PHLPP2: variants seen among roughly 807,000 people sequenced by gnomAD.
The protein encoded by PHLPP2 is PH domain leucine-rich repeat-containing protein phosphatase 2.
Under a neutral mutation model 124.9 loss-of-function variants are expected in PHLPP2, and 66 were observed. The ratio of observed to expected loss-of-function variants is 0.53; its 90% CI spans 0.43 to 0.65. The LOEUF (loss-of-function observed/expected upper bound fraction) is 0.65. PHLPP2 is among the 30% of genes least tolerant of loss of function. The probability of loss-of-function intolerance (pLI) is 0.00; values close to 1 mark genes in which losing one functional copy is unlikely to be tolerated. For missense variants in PHLPP2, 1,685 were observed against 1,600.4 expected (o/e 1.05, Z -0.90); for synonymous variants, 681 against 624.7 (o/e 1.09, Z -1.34).
At chr16:71,652,674 G>C (rs2044704877) in intron 18 of PHLPP2, 116 bp downstream of exon 18, 1 of 713,632 alleles carries the variant, frequency 1.4e-6, no homozygotes, top group Admixed American at 2.4e-5. Context: ...ACTTTTATCT[G>C]GATTGGATAC....
chr16:71,664,652 T>A (rs1289707005), intron 12 of PHLPP2, among the ~76,000 whole-genome samples: 1 of 152,126 alleles, frequency 6.6e-6, no homozygotes, highest in Non-Finnish European at 1.5e-5. Flanking sequence ...CTCGGGAGGC[T>A]GAGGCAGGAG....
rs1197104624 is a variant in PHLPP2, at chr16:71,724,695, C to G, written c.-373G>C. ...CTCTGCCCTTCTTTAGATCTATACC[C>G]CTGTGCAAGTTACTTGATCTAAGCC... On this transcript the variant is annotated 5_prime_UTR_variant, in exon 1 of 19. Coordinates refer to ENST00000568954, the MANE Select transcript of PHLPP2 (RefSeq NM_015020.3). The G allele has an allele frequency of 6.6e-6, 1 of 151,368 alleles. No individual in the cohort carries two copies. Among genetic ancestry groups the G allele is most frequent in the East Asian group, 1.9e-4 (1 of 5,198 alleles). The allele number at this position is 151,368 out of a possible 1,614,324, so 9.4% of individuals were successfully genotyped here.
chr16:71,667,147 G>T, intron 12 of PHLPP2, 31 bp downstream of exon 12: 1 of 1,587,860 alleles, frequency 6.3e-7, no homozygotes, highest in Non-Finnish European at 8.6e-7. Flanking sequence ...CAATGATTCT[G>T]CTCTTCCGAA....
intron 2 of PHLPP2, among the ~76,000 whole-genome samples, chr16:71,704,080 C>T (rs1437545039): frequency 6.6e-6 from 1 of 152,000 alleles, no homozygotes; most frequent in African/African-American, 2.4e-5. Context: ...CCCAGCACTT[C>T]AGGAGGCTGA....
In PHLPP2 at chr16:71,648,959, GC is replaced by G. The variant is rs2044673332; in HGVS notation, c.3902del (p.Ser1301ThrfsTer40). The G allele has an allele frequency of 6.2e-7, 1 of 1,613,846 alleles. No homozygotes were observed. The highest frequency in any genetic ancestry group is 1.3e-5 in the African/African-American group (1 of 75,022). On this transcript the variant is annotated frameshift_variant, in exon 19 of 19. Coordinates refer to ENST00000568954, the MANE Select transcript of PHLPP2 (RefSeq NM_015020.3). LOFTEE classifies it high-confidence loss of function. ...VKEQMKQHQD[S>X]RLEPEPHEED... is the part of the protein sequence containing the mutation. ...CTTCATGGGGCTCAGGCTCGAGCCG[GC>G]TGTCCTGGTGCTGTTTCATTTGTTC... is the stretch of plus-strand genomic sequence containing the variant.
intron 4 of PHLPP2, among the ~76,000 whole-genome samples, chr16:71,685,550 T>A (rs1356501291): frequency 6.6e-6 from 1 of 152,206 alleles, no homozygotes; most frequent in Non-Finnish European, 1.5e-5. Flanking sequence ...GAAAAGAGAA[T>A]CATATTAAAA....
At chr16:71,684,441 T>C (rs2045033622) in intron 5 of PHLPP2, 35 bp downstream of exon 5, 1 of 1,611,674 alleles carries the variant, frequency 6.2e-7, no homozygotes, top group Non-Finnish European at 8.5e-7. Context: ...TTCTCTATTC[T>C]TATCTCCACA....
chr16:71,702,001 G>C (rs1181588394), intron 3 of PHLPP2, among the ~76,000 whole-genome samples: 1 of 152,128 alleles, frequency 6.6e-6, no homozygotes, highest in African/African-American at 2.4e-5. Context: ...CAGTGGATAA[G>C]GGGGGACTAC....
chr16:71,671,483 C>CT (rs1286377162), intron 10 of PHLPP2, among the ~76,000 whole-genome samples: 3 of 152,048 alleles, frequency 2.0e-5, no homozygotes, highest in Non-Finnish European at 2.9e-5. Context: ...CTGCAAAACT[C>CT]TACCGCTGAA....
Position 71,671,794 on chromosome 16 carries a change from G to C in PHLPP2, c.1532+468C>G, listed in dbSNP as rs552820950. On this transcript the variant is annotated intron_variant, in intron 10 of 18. Transcript: ENST00000568954. ...CCAGGCGTGGTGGTGGGCGCCTTTAGTCCCAGCTACTCGGGAGGCTGAGGC... is the reference window on the plus strand; with the variant it reads ...CCAGGCGTGGTGGTGGGCGCCTTTACTCCCAGCTACTCGGGAGGCTGAGGC... 1.4e-3 allele frequency among the ~76,000 whole-genome samples: 209 copies of C among 151,832 alleles called. 1 individual carries two copies. The highest frequency in any genetic ancestry group is 6.8e-3 in the Middle Eastern group (2 of 294).
At chr16:71,697,654 C>T (rs1329481149) in intron 3 of PHLPP2, among the ~76,000 whole-genome samples, 2 of 152,088 alleles carry the variant, frequency 1.3e-5, no homozygotes, top group Admixed American at 6.5e-5. Flanking sequence ...CTGTTTTAAA[C>T]AATATGTGCA....
At chr16:71,707,069 C>T (rs1249766101) in intron 2 of PHLPP2, among the ~76,000 whole-genome samples, 2 of 149,734 alleles carry the variant, frequency 1.3e-5, no homozygotes, top group Non-Finnish European at 3.0e-5. Flanking sequence ...ATTCTCCTGC[C>T]TCAGCCTCCC....
At chr16:71,650,096 A>C (rs758544612) in intron 18 of PHLPP2, 52 bp from the exon 19 acceptor site, 2 of 1,406,058 alleles carry the variant, frequency 1.4e-6, no homozygotes, top group South Asian at 2.4e-5. Flanking sequence ...ATGAGAGCCA[A>C]CTTATCTTTC....
chr16:71,659,920 T>C (rs2044773856), intron 13 of PHLPP2, among the ~76,000 whole-genome samples: 1 of 152,212 alleles, frequency 6.6e-6, no homozygotes, highest in Non-Finnish European at 1.5e-5. Flanking sequence ...AAATGTTTCA[T>C]ATATTTGTTT....
intron 3 of PHLPP2, among the ~76,000 whole-genome samples, chr16:71,700,128 G>A (rs2045215830): frequency 6.6e-6 from 1 of 152,178 alleles, no homozygotes; most frequent in African/African-American, 2.4e-5. Context: ...TGCTCACAGT[G>A]GCTCGTGCCT....
At chr16:71,673,794 TAAC>T (rs1306260021) in intron 9 of PHLPP2, among the ~76,000 whole-genome samples, 1 of 152,130 alleles carries the variant, frequency 6.6e-6, no homozygotes, top group African/African-American at 2.4e-5. Context: ...ATGGGCCTGA[TAAC>T]AAAAATCTCC....
intron 15 of PHLPP2, among the ~76,000 whole-genome samples, chr16:71,656,981 T>C (rs1453183654): frequency 2.0e-5 from 3 of 151,728 alleles, no homozygotes; most frequent in Non-Finnish European, 4.4e-5. Flanking sequence ...CTCCCTCTGT[T>C]GCCCAGGCTG....
chr16:71,688,119 C>T (rs1249697452), intron 4 of PHLPP2, among the ~76,000 whole-genome samples: 1 of 152,188 alleles, frequency 6.6e-6, no homozygotes, highest in Non-Finnish European at 1.5e-5. Flanking sequence ...GGCAAAGGGT[C>T]AAGCCATCCC....
At chr16:71,677,453 C>CATATATATATATAT (rs9302629) in intron 8 of PHLPP2, 10 of 133,780 alleles carry the variant, frequency 7.5e-5, no homozygotes, top group African/African-American at 2.3e-4. Context: ...ATAATCTGCA[C>CATATATATATATAT]ATATATATAT....
Sources: gnomAD v4.1 joint callset for allele counts (sites outside exome capture counted in the v4.1 genomes callset) on GRCh38, gnomAD v4.1.1 for gene constraint, MANE v1.5 for transcripts, NCBI Gene and HGNC (gene_info 2026-07-23, HGNC 2026-07-21) for gene names.